CMKLR1: variants seen among roughly 807,000 people sequenced by gnomAD.
CMKLR1 encodes the protein chemerin-like receptor 1.
In CMKLR1, 6 loss-of-function variants were observed where a neutral mutation model predicts 8.2. The observed-to-expected ratio is 0.73, with a 90% CI of 0.40 to 1.44. The LOEUF is 1.44. Among genes scored for constraint, CMKLR1 ranks in the 40% most tolerant of loss-of-function variants. The probability of loss-of-function intolerance (pLI) is 0.02; values close to 1 mark genes in which losing one functional copy is unlikely to be tolerated. For missense variants in CMKLR1, 429 were observed against 478.0 expected, an observed-to-expected ratio of 0.90 and a Z score of 0.96; for synonymous variants, 178 against 181.2, an observed-to-expected ratio of 0.98 and a Z score of 0.14.
At chr12:108,296,635 G>A (rs1278580720) in intron 2 of CMKLR1, among the ~76,000 whole-genome samples, 1 of 152,154 alleles carries the variant, frequency 6.6e-6, no homozygotes, top group African/African-American at 2.4e-5. Flanking sequence ...AGACCAGCCT[G>A]GGCAACATGG....
chr12:108,322,087 T>G (rs1390873422), intron 2 of CMKLR1, among the ~76,000 whole-genome samples: 2 of 152,130 alleles, frequency 1.3e-5, no homozygotes, highest in Non-Finnish European at 2.9e-5. Context: ...GGTAATCAGG[T>G]ATATGTTACA....
chr12:108,337,567 A>C (rs1892256766), intron 1 of CMKLR1, among the ~76,000 whole-genome samples: 1 of 152,156 alleles, frequency 6.6e-6, no homozygotes, highest in Non-Finnish European at 1.5e-5. Context: ...AGCCGTGATA[A>C]GGGAGGGATA....
At chr12:108,310,482 G>A (rs1021614397) in intron 2 of CMKLR1, among the ~76,000 whole-genome samples, 2 of 152,130 alleles carry the variant, frequency 1.3e-5, no homozygotes, top group African/African-American at 4.8e-5. Context: ...GCAGTTTTTG[G>A]AGGCTCCAGG....
At chr12:108,329,059 G>A (rs2137340975) in intron 2 of CMKLR1, among the ~76,000 whole-genome samples, 1 of 152,328 alleles carries the variant, frequency 6.6e-6, no homozygotes, top group East Asian at 1.9e-4. Context: ...CACCCCATGA[G>A]ATAAAGCCAC....
intron 1 of CMKLR1, among the ~76,000 whole-genome samples, chr12:108,332,831 C>T (rs1892139943): frequency 1.3e-5 from 2 of 152,112 alleles, no homozygotes; most frequent in African/African-American, 2.4e-5. Context: ...AATACAAAAA[C>T]TAGCCAGACA....
In CMKLR1 at chr12:108,291,316, T is replaced by G. The variant is rs1463628876; in HGVS notation, c.*525A>C. 3 of 154,848 alleles carry G rather than the reference T, an allele frequency of 1.9e-5. No homozygotes were observed. Among genetic ancestry groups the G allele is most frequent in the African/African-American group, 4.8e-5 (2 of 41,444 alleles). The allele number at this position is 154,848 out of a possible 1,614,324, so 9.6% of individuals were successfully genotyped here. A position where few individuals can be genotyped will look rare whatever the true frequency, so the allele number is the denominator to read the frequency against. On this transcript the variant is annotated 3_prime_UTR_variant, in exon 4 of 4. Transcript: ENST00000550402. ...GAGTTCATGGGCTGATATGTCACCT[T>G]CCTCTCCCAGATCACCTATGCATTT...
In CMKLR1 at chr12:108,292,222, C is replaced by A. The variant is rs1460877636; in HGVS notation, c.741G>T (p.Leu247=). The change falls in exon 4 of 4, where the codon CTG becomes CTT. Residue 247 remains leucine, a synonymous_variant. Coordinates refer to ENST00000550402, the MANE Select transcript of CMKLR1 (RefSeq NM_001142343.2). The part of the protein sequence containing the change: ...TACYLTIVCK[L]QRNRLAKTKK... ...TGGTCTTGGCCAGGCGGTTGCGCTG[C>A]AGTTTGCACACGATGGTGAGGTAGC... 6.2e-7 allele frequency: 1 copy of A among 1,614,024 alleles called. No individual in the cohort carries two copies. Among genetic ancestry groups the A allele is most frequent in the Non-Finnish European group, 8.5e-7 (1 of 1,179,978 alleles).
intron 2 of CMKLR1, among the ~76,000 whole-genome samples, chr12:108,305,377 C>T (rs963669428): frequency 6.6e-6 from 1 of 152,204 alleles, no homozygotes; most frequent in Non-Finnish European, 1.5e-5. Context: ...CACAAGATCA[C>T]AGCCTCAACC....
chr12:108,313,550 A>G (rs1458114488), intron 2 of CMKLR1, among the ~76,000 whole-genome samples: 1 of 152,184 alleles, frequency 6.6e-6, no homozygotes, highest in Non-Finnish European at 1.5e-5. Context: ...AGATTTCATG[A>G]GATCATATAC....
chr12:108,327,800 G>A (rs1892015917), intron 2 of CMKLR1, among the ~76,000 whole-genome samples: 1 of 152,234 alleles, frequency 6.6e-6, no homozygotes, highest in Non-Finnish European at 1.5e-5. Context: ...GCTCTTGGAA[G>A]GAAGAACGAG....
At chr12:108,294,509 C>T (rs1891078445) in intron 2 of CMKLR1, among the ~76,000 whole-genome samples, 1 of 152,184 alleles carries the variant, frequency 6.6e-6, no homozygotes, top group African/African-American at 2.4e-5. Flanking sequence ...AGCTGTGTGG[C>T]TTTGGGCAAG....
At position 108,311,632 on chromosome 12, in the gene CMKLR1, A is replaced by G. The variant is rs142889739; in HGVS notation, c.-73-17968T>C. Among the ~76,000 whole-genome samples the G allele has an allele frequency of 2.1e-3, 325 of 152,226 alleles. 2 individuals carry two copies. Among genetic ancestry groups the G allele is most frequent in the Middle Eastern group, 6.8e-3 (2 of 294 alleles). On this transcript the variant is annotated intron_variant, in intron 2 of 3. Coordinates refer to ENST00000550402, the MANE Select transcript of CMKLR1 (RefSeq NM_001142343.2). The stretch of plus-strand genomic sequence containing the variant: ...CAGAGCAAGACTTTGCCTCCTAAAA[A>G]GAAAAAAAGTGCCAGGGAAAGGACG...
intron 2 of CMKLR1, among the ~76,000 whole-genome samples, chr12:108,298,873 C>T (rs1409691266): frequency 6.6e-6 from 1 of 152,210 alleles, no homozygotes; most frequent in Non-Finnish European, 1.5e-5. Flanking sequence ...CTCCCTAAGC[C>T]AGTCATACTG....
At chr12:108,305,830 G>A (rs923837128) in intron 2 of CMKLR1, among the ~76,000 whole-genome samples, 3 of 152,128 alleles carry the variant, frequency 2.0e-5, no homozygotes, top group Non-Finnish European at 2.9e-5. Flanking sequence ...ATTTTCTTTC[G>A]GGTTTGGAAG....
intron 2 of CMKLR1, among the ~76,000 whole-genome samples, chr12:108,317,437 G>A (rs1170535297): frequency 2.0e-5 from 3 of 152,166 alleles, no homozygotes; most frequent in East Asian, 1.9e-4. Flanking sequence ...AGTGCATCAC[G>A]GTCATGAGGA....
At chr12:108,338,396 A>G (rs541907565) in intron 1 of CMKLR1, among the ~76,000 whole-genome samples, 1 of 152,368 alleles carries the variant, frequency 6.6e-6, no homozygotes, top group South Asian at 2.1e-4. Flanking sequence ...TGAAATGCCT[A>G]TTGAAGCATC....
chr12:108,294,611 G>A (rs1246127136), intron 2 of CMKLR1, among the ~76,000 whole-genome samples: 2 of 152,194 alleles, frequency 1.3e-5, no homozygotes, highest in Admixed American at 1.3e-4. Context: ...CATCAGAAAT[G>A]TGGAGCATTT....
At chr12:108,297,297 G>T (rs1187380975) in intron 2 of CMKLR1, among the ~76,000 whole-genome samples, 1 of 151,970 alleles carries the variant, frequency 6.6e-6, no homozygotes, top group East Asian at 1.9e-4. Context: ...TTTTTCTCTA[G>T]CTTACTTGAT....
intron 1 of CMKLR1, among the ~76,000 whole-genome samples, chr12:108,336,648 G>A (rs1306085750): frequency 2.6e-4 from 40 of 152,328 alleles, no homozygotes; most frequent in Non-Finnish European, 1.5e-5. Flanking sequence ...CTCGCAACTG[G>A]CGGTAATGTC....
Sources: allele counts gnomAD v4.1 joint callset (sites outside exome capture counted in the v4.1 genomes callset), GRCh38; gene constraint gnomAD v4.1.1; transcripts MANE v1.5; gene names NCBI Gene and HGNC (gene_info 2026-07-23, HGNC 2026-07-21).